DTHD1: variants seen among roughly 807,000 people sequenced by gnomAD.
DTHD1 encodes the protein death domain-containing protein 1.
In DTHD1, 59 loss-of-function variants were observed where a neutral mutation model predicts 74.8. That is an observed-to-expected ratio of 0.79 (90% CI 0.64 to 0.98). The LOEUF (loss-of-function observed/expected upper bound fraction) is 0.98, where lower values mean the gene tolerates loss of function less well. Ranked by LOEUF, DTHD1 falls within the 50% of genes least tolerant of loss-of-function variation. The pLI is 0.00. For synonymous variants in DTHD1, 365 were observed against 371.1 expected (o/e 0.98, Z 0.19); for missense variants, 1,051 against 1,065.4 (o/e 0.99, Z 0.19).
At chr4:36,312,277 C>T (rs1201521183) in intron 7 of DTHD1, among the ~76,000 whole-genome samples, 2 of 151,388 alleles carry the variant, frequency 1.3e-5, no homozygotes, top group Admixed American at 6.6e-5. Flanking sequence ...TAAAGTTGCC[C>T]TGAATGCCCT....
At chr4:36,292,769 G>A (rs989755456) in intron 3 of DTHD1, among the ~76,000 whole-genome samples, 6 of 152,308 alleles carry the variant, frequency 3.9e-5, no homozygotes, top group African/African-American at 4.8e-5. Flanking sequence ...GGCAGAGCCC[G>A]GCTGCTGATT....
intron 8 of DTHD1, among the ~76,000 whole-genome samples, chr4:36,317,060 T>G (rs1385491917): frequency 6.6e-6 from 1 of 152,236 alleles, no homozygotes; most frequent in Non-Finnish European, 1.5e-5. Flanking sequence ...AACTACCTTT[T>G]TAACAAGAAA....
At chr4:36,303,644 C>T (rs1199917940) in intron 5 of DTHD1, among the ~76,000 whole-genome samples, 2 of 152,104 alleles carry the variant, frequency 1.3e-5, no homozygotes, top group South Asian at 2.1e-4. Context: ...CATAAAAGTG[C>T]AGGGCCTGAT....
chr4:36,322,537 G>A (rs148881287), intron 8 of DTHD1, among the ~76,000 whole-genome samples: 1 of 152,162 alleles, frequency 6.6e-6, no homozygotes, highest in African/African-American at 2.4e-5. Context: ...CATCCAAGTG[G>A]GAGACGCAGC....
intron 8 of DTHD1, among the ~76,000 whole-genome samples, chr4:36,321,668 C>G (rs1292074052): frequency 6.6e-6 from 1 of 152,180 alleles, no homozygotes; most frequent in East Asian, 1.9e-4. Flanking sequence ...GAAACCATCC[C>G]TCCAACATGG....
intron 1 of DTHD1, 67 bp from the exon 2 acceptor site, chr4:36,283,909 C>A: frequency 9.2e-7 from 1 of 1,089,404 alleles, no homozygotes; most frequent in Non-Finnish European, 1.3e-6. Flanking sequence ...CATTAGATGT[C>A]AGTGCAGAAA....
intron 7 of DTHD1, among the ~76,000 whole-genome samples, chr4:36,313,908 T>C (rs955236130): frequency 1.9e-4 from 29 of 152,240 alleles, no homozygotes; most frequent in South Asian, 8.3e-4. Context: ...AAACAGAAGT[T>C]AGCCAGATGT....
At chr4:36,317,179 C>A (rs747539001) in intron 8 of DTHD1, among the ~76,000 whole-genome samples, 11 of 152,152 alleles carry the variant, frequency 7.2e-5, no homozygotes, top group Non-Finnish European at 1.5e-4. Flanking sequence ...CTATGACTAG[C>A]AGGAATGTGT....
chr4:36,320,685 C>G (rs961392363), intron 8 of DTHD1, among the ~76,000 whole-genome samples: 1 of 152,068 alleles, frequency 6.6e-6, no homozygotes, highest in African/African-American at 2.4e-5. Context: ...ACTAGTATAA[C>G]TAAATGGGAA....
intron 5 of DTHD1, among the ~76,000 whole-genome samples, chr4:36,305,275 G>T (rs1206560392): frequency 6.6e-6 from 1 of 152,138 alleles, no homozygotes; most frequent in Non-Finnish European, 1.5e-5. Flanking sequence ...CCCAAGACTG[G>T]ATAATTTATA....
At position 36,338,980 on chromosome 4, in the gene DTHD1, G is replaced by A. The variant is rs9654131; in HGVS notation, c.2341-132G>A. 3.5e-3 allele frequency: 2,421 copies of A among 682,202 alleles called. 31 individuals carry two copies. In the African/African-American group the frequency reaches 0.039, roughly 11 times the overall value. 42.3% of individuals were successfully genotyped at this position (682,202 alleles called of 1,614,324 possible). On this transcript the variant is annotated intron_variant, in intron 8 of 9. Coordinates refer to ENST00000639862, the MANE Select transcript of DTHD1 (RefSeq NM_001170700.3). ...TGCTGAGCATGCATGCACAAATACA[G>A]TATTTAATTTTGCAAGGTATGCAAT...
At position 36,345,470 on chromosome 4, in the gene DTHD1, C is replaced by T. The variant is rs1759540524; in HGVS notation, c.*1646C>T. On this transcript the variant is annotated 3_prime_UTR_variant, in exon 10 of 10. Transcript: ENST00000639862. ...CCTAGGAATTAATTGAGTTATATTACAAAATTAAATGTTTTAATCTCTTTC... is the reference window on the plus strand; with the variant it reads ...CCTAGGAATTAATTGAGTTATATTATAAAATTAAATGTTTTAATCTCTTTC... 6.6e-6 allele frequency: 1 copy of T among 152,118 alleles called. No homozygotes were observed. The highest frequency in any genetic ancestry group is 1.5e-5 in the Non-Finnish European group (1 of 68,022). 9.4% of individuals were successfully genotyped at this position (152,118 alleles called of 1,614,324 possible).
At chr4:36,318,666 G>C (rs1461353534) in intron 8 of DTHD1, among the ~76,000 whole-genome samples, 1 of 142,190 alleles carries the variant, frequency 7.0e-6, no homozygotes, top group Non-Finnish European at 1.5e-5. Context: ...CCAGGCTGGA[G>C]TGCAGTGGCG....
At chr4:36,336,102 A>T (rs6531431) in intron 8 of DTHD1, among the ~76,000 whole-genome samples, 111,144 of 152,186 alleles carry the variant, frequency 0.73, 41,384 homozygotes, top group African/African-American at 0.86. Context: ...CAGGGAAAAC[A>T]GCCACATAAG....
intron 7 of DTHD1, among the ~76,000 whole-genome samples, chr4:36,314,038 C>T (rs974500438): frequency 6.6e-6 from 1 of 151,260 alleles, no homozygotes; most frequent in Admixed American, 6.6e-5. Context: ...AGAAGACAAA[C>T]CCTGGCTACT....
chr4:36,314,747 GTTTT>G (rs747523259), intron 7 of DTHD1, among the ~76,000 whole-genome samples: 1,287 of 98,038 alleles, frequency 0.013, 6 homozygotes, highest in African/African-American at 0.046. Context: ...AACAATCTGA[GTTTT>G]TTTTTTTTTT....
Position 36,290,569 on chromosome 4 carries a change from A to C in DTHD1, c.1084A>C (p.Ile362Leu). The change falls in exon 3 of 10, where the codon ATA (isoleucine) becomes CTA (leucine). Residue 362 changes from isoleucine to leucine, a missense_variant. Ile to Leu is a conservative substitution (Grantham distance 5). Transcript: ENST00000639862. Reference protein sequence around the residue: ...SDKEKRVPFPIGIAIPFTARY... With the variant: ...SDKEKRVPFPLGIAIPFTARY... The stretch of plus-strand genomic sequence containing the variant: ...TAAGGAAAAGAGAGTTCCATTTCCA[A>C]TAGGCATTGCAATTCCATTTACTGC... 6.4e-7 allele frequency: 1 copy of C among 1,551,584 alleles called. No homozygotes were observed. Among genetic ancestry groups the C allele is most frequent in the Non-Finnish European group, 8.7e-7 (1 of 1,146,990 alleles).
chr4:36,290,830 G>C, intron 3 of DTHD1, 127 bp downstream of exon 3: 1 of 756,600 alleles, frequency 1.3e-6, no homozygotes, highest in Non-Finnish European at 2.1e-6. Context: ...TTTTGAATTT[G>C]TGCCAGTGCG....
chr4:36,298,661 G>A (rs1410230141), intron 5 of DTHD1, among the ~76,000 whole-genome samples: 1 of 152,140 alleles, frequency 6.6e-6, no homozygotes, highest in Non-Finnish European at 1.5e-5. Context: ...TATTAAGAAT[G>A]AAAGGTCTGT....
Sources: gnomAD v4.1 joint callset for allele counts (sites outside exome capture counted in the v4.1 genomes callset) on GRCh38, gnomAD v4.1.1 for gene constraint, MANE v1.5 for transcripts, NCBI Gene and HGNC (gene_info 2026-07-23, HGNC 2026-07-21) for gene names.